Variants in GADL1 observed in about 807,000 individuals in gnomAD.
GADL1 encodes acidic amino acid decarboxylase GADL1.
GADL1 carries 71 observed loss-of-function variants against 69.5 expected under a neutral mutation model. The observed-to-expected ratio is 1.02, with a 90% confidence interval of 0.84 to 1.25. The LOEUF is 1.25. Among genes scored for constraint, GADL1 ranks in the 50% most tolerant of loss-of-function variants. GADL1 has a pLI of 0.00. For synonymous variants in GADL1, 254 were observed against 214.4 expected, an observed-to-expected ratio of 1.18 and a Z score of -1.62; for missense variants, 737 against 631.8, an observed-to-expected ratio of 1.17 and a Z score of -1.79.
chr3:30,782,146 C>T (rs777946318), intron 13 of GADL1, among the ~76,000 whole-genome samples: 6 of 152,108 alleles, frequency 3.9e-5, no homozygotes, highest in South Asian at 2.1e-4. Flanking sequence ...AAGGACTTCT[C>T]GTATGATGTA....
chr3:30,789,172 T>G (rs1392407103), intron 12 of GADL1, among the ~76,000 whole-genome samples: 4 of 152,192 alleles, frequency 2.6e-5, no homozygotes, highest in Non-Finnish European at 5.9e-5. Flanking sequence ...TCTAAATTAC[T>G]CCTTGATCCA....
chr3:30,814,886 C>T (rs886368560), intron 11 of GADL1, among the ~76,000 whole-genome samples: 19 of 151,838 alleles, frequency 1.3e-4, no homozygotes, highest in African/African-American at 4.6e-4. Flanking sequence ...ATCACTTGAA[C>T]CTGGGAGGCG....
At chr3:30,812,718 C>G (rs1697385661) in intron 11 of GADL1, among the ~76,000 whole-genome samples, 1 of 152,158 alleles carries the variant, frequency 6.6e-6, no homozygotes, top group Admixed American at 6.5e-5. Flanking sequence ...GATAGGGGAA[C>G]TTTGCTCACT....
chr3:30,748,355 G>GTGTA (rs746195514), intron 14 of GADL1, among the ~76,000 whole-genome samples: 1 of 152,198 alleles, frequency 6.6e-6, no homozygotes, highest in Non-Finnish European at 1.5e-5. Context: ...AATGACCAGT[G>GTGTA]TGTACTCCAG....
chr3:30,811,198 CCTAA>C (rs1293040151), intron 11 of GADL1, among the ~76,000 whole-genome samples: 5 of 152,046 alleles, frequency 3.3e-5, no homozygotes, highest in East Asian at 1.9e-4. Flanking sequence ...CTTAAATACC[CCTAA>C]CTAAGGGTTA....
intron 1 of GADL1, among the ~76,000 whole-genome samples, chr3:30,875,631 A>T (rs1698567830): frequency 6.6e-6 from 1 of 151,896 alleles, no homozygotes; most frequent in Non-Finnish European, 1.5e-5. Context: ...GTCTTACAGC[A>T]GTTCTGAAAT....
At chr3:30,800,688 C>G (rs1249777857) in intron 12 of GADL1, 1 of 586,960 alleles carries the variant, frequency 1.7e-6, no homozygotes, top group Non-Finnish European at 3.0e-6. Context: ...TAATTCCTAA[C>G]ACTTAGTAGG....
chr3:30,781,910 A>C (rs918225516), intron 13 of GADL1, among the ~76,000 whole-genome samples: 4 of 152,350 alleles, frequency 2.6e-5, no homozygotes, highest in East Asian at 1.9e-4. Context: ...AGTGAGGTAC[A>C]TCACTATGTT....
At chr3:30,820,737 G>C (rs1295686483) in intron 11 of GADL1, among the ~76,000 whole-genome samples, 1 of 151,932 alleles carries the variant, frequency 6.6e-6, no homozygotes, top group Non-Finnish European at 1.5e-5. Context: ...CTGTAAACTA[G>C]TTCAACCATT....
chr3:30,884,605 C>A (rs944784490), intron 1 of GADL1, among the ~76,000 whole-genome samples: 77 of 152,128 alleles, frequency 5.1e-4, no homozygotes, highest in African/African-American at 1.8e-3. Context: ...CCATTCTGAG[C>A]AGAAAGAATC....
chr3:30,733,484 G>A (rs987673443), intron 14 of GADL1, among the ~76,000 whole-genome samples: 5 of 152,062 alleles, frequency 3.3e-5, no homozygotes, highest in Admixed American at 2.6e-4. Flanking sequence ...GAAAAAATTG[G>A]CATGAAATGT....
At chr3:30,867,021 G>T (rs1019872569) in intron 1 of GADL1, among the ~76,000 whole-genome samples, 3 of 151,894 alleles carry the variant, frequency 2.0e-5, no homozygotes, top group Non-Finnish European at 2.9e-5. Context: ...AGTCCCACTT[G>T]ATCACTCCCA....
intron 1 of GADL1, among the ~76,000 whole-genome samples, chr3:30,882,565 C>T (rs1698657259): frequency 6.6e-6 from 1 of 151,924 alleles, no homozygotes. Context: ...ATCCATTCAT[C>T]CAATGATGGA....
chr3:30,872,030 C>T (rs576850352), intron 1 of GADL1, among the ~76,000 whole-genome samples: 10 of 152,016 alleles, frequency 6.6e-5, no homozygotes, highest in South Asian at 6.2e-4. Flanking sequence ...AGGGGCATGA[C>T]GTGCTGCAAT....
intron 1 of GADL1, among the ~76,000 whole-genome samples, chr3:30,864,365 G>A (rs1218532869): frequency 1.3e-5 from 2 of 149,594 alleles, no homozygotes; most frequent in Admixed American, 6.7e-5. Context: ...ACCCCGTTCC[G>A]TGTGTGTGTG....
intron 4 of GADL1, among the ~76,000 whole-genome samples, chr3:30,853,958 C>T (rs1698187695): frequency 6.6e-6 from 1 of 152,052 alleles, no homozygotes; most frequent in Non-Finnish European, 1.5e-5. Flanking sequence ...TAGAAAGACT[C>T]ATAAACATGG....
chr3:30,888,075 T>C (rs1352644105), intron 1 of GADL1, among the ~76,000 whole-genome samples: 2 of 152,210 alleles, frequency 1.3e-5, no homozygotes, highest in Non-Finnish European at 2.9e-5. Context: ...GTAAGTGTTA[T>C]GTAAGTAGTT....
At chr3:30,756,041 G>C (rs1431086213) in intron 14 of GADL1, among the ~76,000 whole-genome samples, 1 of 152,070 alleles carries the variant, frequency 6.6e-6, no homozygotes, top group Non-Finnish European at 1.5e-5. Context: ...TTGGGACTGT[G>C]CAGGAGACCT....
At chr3:30,799,947 T>A (rs1040364265) in intron 12 of GADL1, 2 of 152,378 alleles carry the variant, frequency 1.3e-5, no homozygotes, top group Admixed American at 6.5e-5. Flanking sequence ...GCCTGGACCT[T>A]ATTGTTCGTA....
Sources: gnomAD v4.1 joint callset for allele counts (sites outside exome capture counted in the v4.1 genomes callset) on GRCh38, gnomAD v4.1.1 for gene constraint, MANE v1.5 for transcripts, NCBI Gene and HGNC (gene_info 2026-07-23, HGNC 2026-07-21) for gene names.